Variants in GRID2 observed in about 807,000 individuals in gnomAD.
GRID2 encodes the protein glutamate ionotropic receptor delta type subunit 2.
In GRID2, 33 loss-of-function variants were observed where a neutral mutation model predicts 114.8. The ratio of observed to expected loss-of-function variants is 0.29; its 90% CI spans 0.22 to 0.38. The LOEUF is 0.38. GRID2 is among the 10% of genes least tolerant of loss of function. The pLI is 1.00. For synonymous variants in GRID2, 505 were observed against 449.9 expected, an observed-to-expected ratio of 1.12 and a Z score of -1.55; for missense variants, 1,184 against 1,257.7, an observed-to-expected ratio of 0.94 and a Z score of 0.89.
At chr4:93,617,225 C>T (rs1283579735) in intron 13 of GRID2, among the ~76,000 whole-genome samples, 1 of 152,094 alleles carries the variant, frequency 6.6e-6, no homozygotes, top group Non-Finnish European at 1.5e-5. Flanking sequence ...TTATTTGAAA[C>T]CTAGTAATGA....
chr4:92,350,268 T>C (rs988076839), intron 1 of GRID2, among the ~76,000 whole-genome samples: 3 of 151,860 alleles, frequency 2.0e-5, no homozygotes, highest in Non-Finnish European at 4.4e-5. Flanking sequence ...TATTGCTGTT[T>C]CCTCCAACAA....
chr4:92,797,218 C>T (rs1443538236), intron 2 of GRID2, among the ~76,000 whole-genome samples: 1 of 151,934 alleles, frequency 6.6e-6, no homozygotes, highest in Non-Finnish European at 1.5e-5. Context: ...TATGGTATTG[C>T]ATTCAACATA....
intron 2 of GRID2, among the ~76,000 whole-genome samples, chr4:93,053,418 C>T (rs889183429): frequency 2.0e-5 from 3 of 151,782 alleles, no homozygotes; most frequent in South Asian, 2.1e-4. Flanking sequence ...TGTGTGTTCT[C>T]GTGTGCACAT....
chr4:93,548,845 C>T (rs1320161737), intron 13 of GRID2, among the ~76,000 whole-genome samples: 1 of 152,108 alleles, frequency 6.6e-6, no homozygotes, highest in Non-Finnish European at 1.5e-5. Context: ...ACATGGCTTT[C>T]ATTTATTTTC....
At chr4:92,971,210 C>T (rs1419384963) in intron 2 of GRID2, among the ~76,000 whole-genome samples, 1 of 151,998 alleles carries the variant, frequency 6.6e-6, no homozygotes, top group Non-Finnish European at 1.5e-5. Context: ...AGGGAGCATT[C>T]TCATAATGTG....
In GRID2 at chr4:92,808,702, A is replaced by G. The variant is rs535909181; in HGVS notation, c.244+218416A>G. Among the ~76,000 whole-genome samples the G allele has an allele frequency of 4.6e-5, 7 of 152,072 alleles. No homozygotes were observed. The South Asian group carries it at 1.5e-3, about 32-fold the overall frequency. On this transcript the variant is annotated intron_variant, in intron 2 of 15. Transcript: ENST00000282020. ...TATTGGGTTCAATATCATTATACAC[A>G]CTATTGTTTTGAGGTCACAGAACAT...
At chr4:92,623,483 A>G (rs143846134) in intron 2 of GRID2, among the ~76,000 whole-genome samples, 11 of 151,848 alleles carry the variant, frequency 7.2e-5, no homozygotes, top group African/African-American at 2.6e-4. Context: ...ACTGAAAACT[A>G]TATGTAAGCA....
chr4:93,748,962 A>C (rs1732082098), intron 14 of GRID2, among the ~76,000 whole-genome samples: 1 of 150,648 alleles, frequency 6.6e-6, no homozygotes, highest in Admixed American at 6.6e-5. Context: ...ACCATTGCAT[A>C]GGTAGGGGTA....
chr4:92,591,282 C>A (rs890169479), intron 2 of GRID2, among the ~76,000 whole-genome samples: 1 of 152,130 alleles, frequency 6.6e-6, no homozygotes, highest in African/African-American at 2.4e-5. Context: ...CACAAGACAC[C>A]TAATCTGCTG....
At chr4:93,485,786 G>GT (rs1726329898) in intron 11 of GRID2, among the ~76,000 whole-genome samples, 1 of 151,632 alleles carries the variant, frequency 6.6e-6, no homozygotes, top group African/African-American at 2.4e-5. Context: ...TCAAGAGCCA[G>GT]TTTTTTTCTT....
chr4:93,339,949 G>A (rs568558102), intron 8 of GRID2, among the ~76,000 whole-genome samples: 15 of 152,156 alleles, frequency 9.9e-5, no homozygotes, highest in Middle Eastern at 3.4e-3. Context: ...TGGGGAAACC[G>A]CCCCCATGAT....
At chr4:92,365,354 T>C (rs555794327) in intron 1 of GRID2, among the ~76,000 whole-genome samples, 2 of 152,154 alleles carry the variant, frequency 1.3e-5, no homozygotes, top group South Asian at 4.1e-4. Flanking sequence ...CTAGAGAACA[T>C]TATGCTAAGT....
chr4:92,308,365 A>G (rs1466368511), intron 1 of GRID2, among the ~76,000 whole-genome samples: 1 of 152,206 alleles, frequency 6.6e-6, no homozygotes, highest in Non-Finnish European at 1.5e-5. Context: ...CAAACAGTGT[A>G]CTTATTCATA....
intron 8 of GRID2, among the ~76,000 whole-genome samples, chr4:93,359,214 G>C (rs1165105240): frequency 6.6e-6 from 1 of 151,898 alleles, no homozygotes; most frequent in Non-Finnish European, 1.5e-5. Context: ...GTCGTCAGGG[G>C]TCCAATAAAG....
intron 3 of GRID2, among the ~76,000 whole-genome samples, chr4:93,090,833 C>G (rs951403028): frequency 3.3e-5 from 5 of 152,052 alleles, no homozygotes; most frequent in Admixed American, 2.6e-4. Context: ...TTCAGGAACC[C>G]GCTGGGTGGA....
At chr4:93,419,074 C>CTTTTTTTTTT (rs58832079) in intron 9 of GRID2, among the ~76,000 whole-genome samples, 3 of 109,528 alleles carry the variant, frequency 2.7e-5, no homozygotes, top group African/African-American at 4.2e-5. Flanking sequence ...CATGATTTTC[C>CTTTTTTTTTT]TTTTTTTTTT....
intron 13 of GRID2, among the ~76,000 whole-genome samples, chr4:93,607,240 T>G (rs56191018): frequency 0.039 from 5,910 of 152,246 alleles, 382 homozygotes; most frequent in African/African-American, 0.13. Context: ...ACTAACATGT[T>G]TACACATATA....
Position 92,947,566 on chromosome 4 carries a change from A to G in GRID2, c.245-137429A>G, listed in dbSNP as rs114798202. Among the ~76,000 whole-genome samples, 356 of 152,036 alleles carry G rather than the reference A, an allele frequency of 2.3e-3. 1 individual carries two copies. The highest frequency in any genetic ancestry group is 3.8e-3 in the Non-Finnish European group (257 of 67,840). On this transcript the variant is annotated intron_variant, in intron 2 of 15. Coordinates refer to ENST00000282020, the MANE Select transcript of GRID2 (RefSeq NM_001510.4). Reference sequence around the variant, plus strand: ...TATATTTTTTTTTCAAAAACTGACTATATCTTATGCTTTAACTTTTAAGAA... The same window carrying G: ...TATATTTTTTTTTCAAAAACTGACTGTATCTTATGCTTTAACTTTTAAGAA...
intron 14 of GRID2, among the ~76,000 whole-genome samples, chr4:93,754,413 T>A (rs1335181696): frequency 6.6e-6 from 1 of 152,244 alleles, no homozygotes; most frequent in African/African-American, 2.4e-5. Flanking sequence ...AAAGTGGATC[T>A]GTTCTCACGT....
Sources: allele counts gnomAD v4.1 joint callset (sites outside exome capture counted in the v4.1 genomes callset), GRCh38; gene constraint gnomAD v4.1.1; transcripts MANE v1.5; gene names NCBI Gene and HGNC (gene_info 2026-07-23, HGNC 2026-07-21).